Variants in NRG1 observed in about 807,000 individuals in gnomAD.
NRG1 encodes the protein neuregulin 1.
A neutral mutation model predicts 63.8 loss-of-function variants in NRG1; 18 were observed. The ratio of observed to expected loss-of-function variants is 0.28; its 90% CI spans 0.19 to 0.42. NRG1 has a LOEUF of 0.42. Ranked by LOEUF, NRG1 falls within the 10% of genes least tolerant of loss-of-function variation. NRG1 has a pLI of 1.00. For synonymous variants in NRG1, 302 were observed against 301.3 expected, an observed-to-expected ratio of 1.00 and a Z score of -0.02; for missense variants, 762 against 814.7, an observed-to-expected ratio of 0.94 and a Z score of 0.79.
chr8:32,316,711 G>C (rs1386937754), intron 1 of NRG1, among the ~76,000 whole-genome samples: 2 of 151,938 alleles, frequency 1.3e-5, no homozygotes, highest in Non-Finnish European at 2.9e-5. Flanking sequence ...TTGATCCTCG[G>C]TGTGAAACTT....
intron 1 of NRG1, among the ~76,000 whole-genome samples, chr8:32,265,445 A>G (rs1345770820): frequency 2.0e-5 from 3 of 152,214 alleles, no homozygotes; most frequent in African/African-American, 7.2e-5. Flanking sequence ...TTTTAAATAA[A>G]AAGTAAGGTC....
At chr8:32,054,139 C>A (rs1473318035) in intron 1 of NRG1, among the ~76,000 whole-genome samples, 1 of 152,118 alleles carries the variant, frequency 6.6e-6, no homozygotes, top group Non-Finnish European at 1.5e-5. Flanking sequence ...TTTTTGCCCA[C>A]CACTGCATTG....
intron 1 of NRG1, among the ~76,000 whole-genome samples, chr8:32,298,761 G>A (rs1226315254): frequency 2.2e-4 from 33 of 149,642 alleles, no homozygotes; most frequent in Non-Finnish European, 4.4e-4. Flanking sequence ...GGGTGCGGGG[G>A]CTCACGCCTG....
intron 5 of NRG1, among the ~76,000 whole-genome samples, chr8:32,724,176 T>A (rs1478435444): frequency 1.3e-5 from 2 of 152,188 alleles, no homozygotes; most frequent in Non-Finnish European, 2.9e-5. Flanking sequence ...ATGGCAAACA[T>A]CAAAGTAATG....
chr8:32,098,537 T>C (rs1244459496), intron 1 of NRG1: 1 of 152,188 alleles, frequency 6.6e-6, no homozygotes, highest in Admixed American at 6.5e-5. Flanking sequence ...CTTGACTCTA[T>C]TAGGTGAAAT....
intron 1 of NRG1, among the ~76,000 whole-genome samples, chr8:31,645,280 G>A (rs1311205728): frequency 6.6e-6 from 1 of 152,178 alleles, no homozygotes; most frequent in African/African-American, 2.4e-5. Flanking sequence ...GACACATTCT[G>A]TTGAAATCTA....
chr8:32,338,601 T>G (rs1054503229), intron 1 of NRG1, among the ~76,000 whole-genome samples: 12 of 152,112 alleles, frequency 7.9e-5, no homozygotes, highest in Non-Finnish European at 1.2e-4. Flanking sequence ...GGTACTGGTT[T>G]TACGTGACTT....
At chr8:31,831,179 G>A (rs1825121411) in intron 1 of NRG1, among the ~76,000 whole-genome samples, 1 of 151,276 alleles carries the variant, frequency 6.6e-6, no homozygotes, top group Non-Finnish European at 1.5e-5. Flanking sequence ...TTGGCTTACT[G>A]CAACATCCGC....
exon 12 of NRG1, chr8:32,765,212 C>G (rs921026890): frequency 5.9e-5 from 9 of 152,032 alleles, no homozygotes; most frequent in African/African-American, 2.2e-4. Flanking sequence ...GTGTCACTTT[C>G]TCTCTGGGGG....
intron 1 of NRG1, among the ~76,000 whole-genome samples, chr8:32,208,557 C>G (rs1245262245): frequency 6.6e-6 from 1 of 151,926 alleles, no homozygotes; most frequent in Admixed American, 6.6e-5. Flanking sequence ...CGGGCCCAGC[C>G]AAGTGTTTTA....
chr8:31,971,200 A>G (rs11992684), intron 1 of NRG1, among the ~76,000 whole-genome samples: 5,561 of 151,916 alleles, frequency 0.037, 352 homozygotes, highest in African/African-American at 0.13. Flanking sequence ...CATATATGTG[A>G]TCTGTATGCA....
chr8:32,437,867 A>G (rs1011014808), intron 1 of NRG1, among the ~76,000 whole-genome samples: 1 of 152,198 alleles, frequency 6.6e-6, no homozygotes, highest in Non-Finnish European at 1.5e-5. Context: ...CTCAGCAAAA[A>G]GATAGATACT....
chr8:31,883,332 A>G (rs1830491906), intron 1 of NRG1, among the ~76,000 whole-genome samples: 1 of 152,138 alleles, frequency 6.6e-6, no homozygotes, highest in Non-Finnish European at 1.5e-5. Context: ...TTAATAGACT[A>G]CAGTATAGTA....
At chr8:32,087,375 C>T (rs1208934053) in intron 1 of NRG1, among the ~76,000 whole-genome samples, 2 of 151,876 alleles carry the variant, frequency 1.3e-5, no homozygotes, top group Non-Finnish European at 2.9e-5. Flanking sequence ...CTGAGGCCCT[C>T]ACTAGAAATA....
At chr8:31,739,916 A>C (rs1001575875) in intron 1 of NRG1, among the ~76,000 whole-genome samples, 26 of 152,206 alleles carry the variant, frequency 1.7e-4, no homozygotes, top group Middle Eastern at 3.4e-3. Flanking sequence ...TGAAAATTCC[A>C]GTTCAAAATA....
At chr8:31,882,072 A>G (rs1830386513) in intron 1 of NRG1, among the ~76,000 whole-genome samples, 1 of 152,156 alleles carries the variant, frequency 6.6e-6, no homozygotes, top group African/African-American at 2.4e-5. Flanking sequence ...TTGGCTTTGA[A>G]TAGCTGGAGA....
Position 32,126,161 on chromosome 8 carries a change from G to A in NRG1, c.38-469667G>A, listed in dbSNP as rs533290372. ...AAATGCTGAGAAACGAACTCAAGAG[G>A]TTTTGTAGATTTAATACCATTGCTC... On this transcript the variant is annotated intron_variant, in intron 1 of 10. Transcript: ENST00000519301. Among the ~76,000 whole-genome samples, 11 of 151,970 alleles carry A rather than the reference G, an allele frequency of 7.2e-5. No individual in the cohort carries two copies. In the East Asian group the frequency reaches 1.9e-3, roughly 27 times the overall value.
intron 4 of NRG1, 84 bp downstream of exon 4, chr8:32,614,648 T>C: frequency 1.6e-6 from 2 of 1,268,242 alleles, no homozygotes; most frequent in Admixed American, 3.5e-5. Context: ...TCAGAACCCC[T>C]TCTGCATCCA....
chr8:32,491,002 G>T (rs1006755536), intron 1 of NRG1, among the ~76,000 whole-genome samples: 3 of 152,024 alleles, frequency 2.0e-5, no homozygotes, highest in African/African-American at 7.3e-5. Flanking sequence ...GTATATTAAG[G>T]GGTAACGTTT....
Sources: gnomAD v4.1 joint callset for allele counts (sites outside exome capture counted in the v4.1 genomes callset) on GRCh38, gnomAD v4.1.1 for gene constraint, MANE v1.5 for transcripts, NCBI Gene and HGNC (gene_info 2026-07-23, HGNC 2026-07-21) for gene names.